The following SIPA1L3 variants were observed in gnomAD, a reference collection of about 807,000 sequenced individuals.
SIPA1L3 encodes signal induced proliferation associated 1 like 3, also known as signal-induced proliferation-associated 1-like protein 3.
A neutral mutation model predicts 150.1 loss-of-function variants in SIPA1L3; 59 were observed. That is an observed-to-expected ratio of 0.39 (90% CI 0.32 to 0.49). The LOEUF (loss-of-function observed/expected upper bound fraction) is 0.49. SIPA1L3 is among the 20% of genes least tolerant of loss of function. The probability of loss-of-function intolerance (pLI) is 0.86; values close to 1 mark genes in which losing one functional copy is unlikely to be tolerated. For missense variants in SIPA1L3, 2,211 were observed against 2,489.5 expected (o/e 0.89, Z 2.38); for synonymous variants, 1,070 against 1,077.6 (o/e 0.99, Z 0.14).
At chr19:37,941,390 C>T (rs1292849112) in intron 1 of SIPA1L3, among the ~76,000 whole-genome samples, 1 of 150,676 alleles carries the variant, frequency 6.6e-6, no homozygotes, top group Non-Finnish European at 1.5e-5. Flanking sequence ...CTCTTTTGAA[C>T]TTTTGTTTGC....
intron 15 of SIPA1L3, among the ~76,000 whole-genome samples, chr19:38,179,732 C>T (rs1042976652): frequency 6.6e-6 from 1 of 152,184 alleles, no homozygotes; most frequent in African/African-American, 2.4e-5. Context: ...AATAAGAAAG[C>T]ATATACTTTT....
chr19:37,938,504 A>G (rs896792078), intron 1 of SIPA1L3, among the ~76,000 whole-genome samples: 9 of 152,124 alleles, frequency 5.9e-5, no homozygotes, highest in Admixed American at 1.3e-4. Flanking sequence ...AGGAAATGAA[A>G]TCTCATTGTG....
At chr19:37,951,405 G>A (rs777141608) in intron 1 of SIPA1L3, among the ~76,000 whole-genome samples, 1 of 152,204 alleles carries the variant, frequency 6.6e-6, no homozygotes, top group Non-Finnish European at 1.5e-5. Context: ...GTACAGAATA[G>A]GATTCTAATC....
chr19:38,070,513 G>T (rs745374806), intron 2 of SIPA1L3, among the ~76,000 whole-genome samples: 15 of 152,194 alleles, frequency 9.9e-5, no homozygotes, highest in Non-Finnish European at 1.8e-4. Flanking sequence ...CCACAGCAGT[G>T]GCGTGTAGTA....
rs530487200 is a variant in SIPA1L3 at position 37,910,050 on chromosome 19, G to A, written c.-379+2692G>A. ...TGAATGATCTAAGAGTTAAATGTGA[G>A]TCTGTGTTTCAGACATTGCAGTTGT... On this transcript the variant is annotated intron_variant, in intron 1 of 21. Coordinates refer to ENST00000222345, the MANE Select transcript of SIPA1L3 (RefSeq NM_015073.3). Among the ~76,000 whole-genome samples the A allele has an allele frequency of 1.5e-4, 23 of 151,816 alleles. No individual in the cohort carries two copies. In the East Asian group the frequency reaches 4.4e-3, roughly 29 times the overall value.
chr19:37,939,098 A>G (rs1180762934), intron 1 of SIPA1L3, among the ~76,000 whole-genome samples: 1 of 151,854 alleles, frequency 6.6e-6, no homozygotes, highest in Non-Finnish European at 1.5e-5. Flanking sequence ...CTTTTTGTGT[A>G]CCTCCAGCTC....
chr19:37,983,963 C>G (rs1472171183), intron 1 of SIPA1L3, among the ~76,000 whole-genome samples: 3 of 151,750 alleles, frequency 2.0e-5, no homozygotes, highest in East Asian at 3.9e-4. Context: ...TAACTGTAAC[C>G]CTGATCAGTA....
At chr19:38,153,103 T>A in intron 13 of SIPA1L3, 136 bp downstream of exon 13, 1 of 1,177,352 alleles carries the variant, frequency 8.5e-7, no homozygotes, top group Non-Finnish European at 1.2e-6. Context: ...GCGCCACATG[T>A]AAGACTAGAG....
At chr19:38,111,968 T>C (rs542016444) in intron 8 of SIPA1L3, among the ~76,000 whole-genome samples, 35 of 90,588 alleles carry the variant, frequency 3.9e-4, no homozygotes, top group African/African-American at 2.4e-3. Flanking sequence ...CACACGTACA[T>C]GCACACACAT....
intron 2 of SIPA1L3, among the ~76,000 whole-genome samples, chr19:38,065,361 C>T (rs1017583219): frequency 2.8e-4 from 42 of 151,272 alleles, no homozygotes; most frequent in African/African-American, 1.0e-3. Context: ...AAGGTAAGGG[C>T]CTTGCAAGGG....
intron 1 of SIPA1L3, among the ~76,000 whole-genome samples, chr19:37,999,432 G>A (rs987349053): frequency 6.6e-6 from 1 of 152,220 alleles, no homozygotes; most frequent in African/African-American, 2.4e-5. Flanking sequence ...CACATGAGCA[G>A]TCTTGCCCAT....
chr19:38,195,891 G>A lies in SIPA1L3; in HGVS notation c.4840+2111G>A, dbSNP rs534969159. Among the ~76,000 whole-genome samples, 3 of 150,380 alleles carry A rather than the reference G, an allele frequency of 2.0e-5. No individual in the cohort carries two copies. In the South Asian group the frequency reaches 6.3e-4, roughly 32 times the overall value. ...CTGAGCTGTCACTAGATGAGAATGT[G>A]TCTGTCTCCACCACCATACCGGGGG... On this transcript the variant is annotated intron_variant, in intron 18 of 21. Transcript: ENST00000222345.
At chr19:38,029,907 T>C (rs1968606792) in intron 2 of SIPA1L3, among the ~76,000 whole-genome samples, 1 of 146,868 alleles carries the variant, frequency 6.8e-6, no homozygotes, top group Non-Finnish European at 1.5e-5. Context: ...CAGGCTGGAG[T>C]GCAGTGGCGC....
intron 1 of SIPA1L3, among the ~76,000 whole-genome samples, chr19:37,929,179 T>TCGGGGG (rs2046531407): frequency 6.6e-6 from 1 of 152,104 alleles, no homozygotes; most frequent in Non-Finnish European, 1.5e-5. Flanking sequence ...GGATTGACCC[T>TCGGGGG]CTGGGGCTGG....
At position 38,119,763 on chromosome 19, in the gene SIPA1L3, A is replaced by G. The variant is rs772596491; in HGVS notation, c.2749A>G (p.Ile917Val). 1.2e-6 allele frequency: 2 copies of G among 1,613,908 alleles called. No individual in the cohort carries two copies. Among genetic ancestry groups the G allele is most frequent in the Non-Finnish European group, 8.5e-7 (1 of 1,180,036 alleles). Residue 917 changes from isoleucine (I) to valine (V), a missense_variant, in exon 9 of 22, where the codon ATT (isoleucine) becomes GTT (valine). Around this residue, in one of 5 missense-constraint regions of SIPA1L3, gnomAD observed 625 missense variants for 804.2 expected, o/e 0.78. Coordinates refer to ENST00000222345, the MANE Select transcript of SIPA1L3 (RefSeq NM_015073.3). ...VVFNCYCGDV[I>V]GWTPDSSTLK... ...GTTCAACTGCTACTGCGGGGATGTC[A>G]TTGGCTGGACTCCAGACTCCTCCAC...
chr19:37,990,060 G>T (rs78052110), intron 1 of SIPA1L3, among the ~76,000 whole-genome samples: 144 of 152,222 alleles, frequency 9.5e-4, no homozygotes, highest in African/African-American at 3.2e-3. Context: ...CTGGTGGAGT[G>T]GGGGAGGGGA....
chr19:37,987,105 T>C (rs941350495), intron 1 of SIPA1L3, among the ~76,000 whole-genome samples: 34 of 152,058 alleles, frequency 2.2e-4, no homozygotes, highest in Admixed American at 1.0e-3. Context: ...TTTTCGAATT[T>C]TTTGTAGAGA....
rs1973203382 is a variant in SIPA1L3, at chr19:38,206,093, G to A, written c.5203-4G>A. On this transcript the variant is annotated splice_polypyrimidine_tract_variant and splice_region_variant and intron_variant, in intron 21 of 21. Transcript: ENST00000222345. ...GCCTGATGCCAGCTTCCCACCCTGT[G>A]CAGGAGAAGCAGGACAAGGTGGTGC... The A allele has an allele frequency of 6.5e-7, 1 of 1,542,846 alleles. No individual in the cohort carries two copies.
chr19:38,074,727 T>G (rs569896218), intron 2 of SIPA1L3, among the ~76,000 whole-genome samples: 1 of 152,362 alleles, frequency 6.6e-6, no homozygotes, highest in Admixed American at 6.5e-5. Flanking sequence ...CTTATTTTGT[T>G]TACCCTCATT....
Sources: allele counts gnomAD v4.1 joint callset (sites outside exome capture counted in the v4.1 genomes callset), GRCh38; gene constraint gnomAD v4.1.1; regional missense constraint gnomAD v4.1.1; transcripts MANE v1.5; gene names NCBI Gene and HGNC (gene_info 2026-07-23, HGNC 2026-07-21).